Variants in ZNF429 observed in about 807,000 individuals in gnomAD.
ZNF429 encodes the protein zinc finger protein 429.
A neutral mutation model predicts 56.8 loss-of-function variants in ZNF429; 53 were observed. The observed-to-expected ratio is 0.93, with a 90% CI of 0.75 to 1.17. The LOEUF (loss-of-function observed/expected upper bound fraction) is 1.17, where lower values mean the gene tolerates loss of function less well. Ranked by LOEUF, ZNF429 falls within the 50% of genes most tolerant of loss-of-function variation. ZNF429 has a pLI of 0.00. For missense variants in ZNF429, 849 were observed against 788.4 expected (o/e 1.08, Z -0.92); for synonymous variants, 278 against 264.7 (o/e 1.05, Z -0.49).
intron 1 of ZNF429, among the ~76,000 whole-genome samples, chr19:21,517,245 G>A (rs1447432406): frequency 6.6e-6 from 1 of 152,212 alleles, no homozygotes; most frequent in East Asian, 1.9e-4. Context: ...CACATTTATT[G>A]ACTTGTGTAT....
intron 1 of ZNF429, among the ~76,000 whole-genome samples, chr19:21,517,573 T>C (rs934088638): frequency 1.3e-5 from 2 of 152,200 alleles, no homozygotes; most frequent in Non-Finnish European, 2.9e-5. Context: ...TAGGCTTTTT[T>C]TGGCTGGTAG....
intron 1 of ZNF429, among the ~76,000 whole-genome samples, chr19:21,506,443 C>CAAAAAA (rs1229591215): frequency 2.0e-5 from 2 of 99,242 alleles, no homozygotes; most frequent in African/African-American, 7.3e-5. Context: ...CTATCTCAAA[C>CAAAAAA]AAAAAAAAAA....
intron 2 of ZNF429, among the ~76,000 whole-genome samples, chr19:21,530,188 C>A: frequency 1.4e-5 from 2 of 138,056 alleles, no homozygotes; most frequent in Non-Finnish European, 3.1e-5. Flanking sequence ...GAGACTCCAT[C>A]TCAAAAAAAA....
rs979337754 is a variant in ZNF429, at chr19:21,538,948, T to C, written c.*870T>C. 6.6e-6 allele frequency among the ~76,000 whole-genome samples: 1 copy of C among 152,184 alleles called. No homozygotes were observed. Among genetic ancestry groups the C allele is most frequent in the African/African-American group, 2.4e-5 (1 of 41,456 alleles). On this transcript the variant is annotated 3_prime_UTR_variant, in exon 4 of 4. Transcript: ENST00000358491. ...CATTTACTTGTATCACAGATCTTGT[T>C]GTACACATTTTATACTAGAGGAAAA...
chr19:21,527,754 A>G (rs2033221527), intron 1 of ZNF429, among the ~76,000 whole-genome samples: 1 of 152,150 alleles, frequency 6.6e-6, no homozygotes. Flanking sequence ...GGCAGCAGGT[A>G]AACAGGTTCT....
intron 1 of ZNF429, among the ~76,000 whole-genome samples, chr19:21,508,760 C>G (rs2032310660): frequency 6.7e-6 from 1 of 149,444 alleles, no homozygotes; most frequent in Non-Finnish European, 1.5e-5. Flanking sequence ...TTTTGGAATG[C>G]TACCAAGGAA....
chr19:21,538,763 C>G lies in ZNF429; in HGVS notation c.*685C>G, dbSNP rs1212243550. The G allele has an allele frequency of 2.6e-5, 4 of 152,052 alleles. No homozygotes were observed. Among genetic ancestry groups the G allele is most frequent in the Admixed American group, 2.6e-4 (4 of 15,264 alleles). The allele number at this position is 152,052 out of a possible 1,614,324, so 9.4% of individuals were successfully genotyped here. A position where few individuals can be genotyped will look rare whatever the true frequency, so the allele number is the denominator to read the frequency against. ...TACAAATTTAAAAAATGTGGAAAAG[C>G]CATTAAAATCTGTTCACATCTTAAC... On this transcript the variant is annotated 3_prime_UTR_variant, in exon 4 of 4. Transcript: ENST00000358491.
At chr19:21,510,144 G>C (rs1229381275) in intron 1 of ZNF429, among the ~76,000 whole-genome samples, 1 of 152,050 alleles carries the variant, frequency 6.6e-6, no homozygotes, top group Non-Finnish European at 1.5e-5. Flanking sequence ...CCTTACCTCA[G>C]GTGATGACAA....
At chr19:21,532,182 T>G in intron 3 of ZNF429, among the ~76,000 whole-genome samples, 1 of 152,106 alleles carries the variant, frequency 6.6e-6, no homozygotes, top group Non-Finnish European at 1.5e-5. Flanking sequence ...AATAAATATT[T>G]TTGAAGTGCC....
chr19:21,537,813 A>G lies in ZNF429; in HGVS notation c.1760A>G (p.His587Arg), dbSNP rs574930448. The G allele has an allele frequency of 5.0e-6, 8 of 1,613,796 alleles. No homozygotes were observed. In the African/African-American group the frequency reaches 6.7e-5, roughly 13 times the overall value. The change falls in exon 4 of 4, where the codon CAT becomes CGT. Residue 587 changes from histidine to arginine, a missense_variant. Coordinates refer to ENST00000358491, the MANE Select transcript of ZNF429 (RefSeq NM_001001415.4). ...AACCTTAGTAGTCATAAGAAAATTC[A>G]TAGTGGAGAGAAACCCTACAAATGT... is the stretch of plus-strand genomic sequence containing the variant. ...SSNLSSHKKIHSGEKPYKCEE... is the reference protein window; with the variant it reads ...SSNLSSHKKIRSGEKPYKCEE...
intron 1 of ZNF429, 63 bp from the exon 2 acceptor site, chr19:21,529,595 G>T: frequency 1.5e-6 from 2 of 1,352,130 alleles, no homozygotes; most frequent in South Asian, 2.0e-5. Context: ...TCTACCCATG[G>T]GCACTTGGTC....
intron 1 of ZNF429, among the ~76,000 whole-genome samples, chr19:21,520,230 A>G (rs892570313): frequency 6.6e-6 from 1 of 152,188 alleles, no homozygotes; most frequent in Non-Finnish European, 1.5e-5. Flanking sequence ...TTTCAAGTGT[A>G]CACAGGGTGC....
At position 21,537,380 on chromosome 19, in the gene ZNF429, C is replaced by T; in HGVS notation, c.1327C>T (p.His443Tyr). The T allele has an allele frequency of 6.2e-7, 1 of 1,613,662 alleles. No individual in the cohort carries two copies. The highest frequency in any genetic ancestry group is 8.5e-7 in the Non-Finnish European group (1 of 1,179,822). ...TACCTATTCCTCTACACTTACTAGA[C>T]ATAAGAGAATTCATACTGAAGAGAA... is the stretch of plus-strand genomic sequence containing the variant. The part of the protein sequence containing the change: ...VFTYSSTLTR[H>Y]KRIHTEEKPY... Residue 443 changes from histidine to tyrosine, a missense_variant, in exon 4 of 4, where the codon CAT becomes TAT. Transcript: ENST00000358491.
intron 1 of ZNF429, among the ~76,000 whole-genome samples, chr19:21,517,822 C>G (rs568909105): frequency 7.3e-6 from 1 of 137,550 alleles, no homozygotes; most frequent in African/African-American, 2.8e-5. Context: ...GATATGGAGT[C>G]TTGCTCTGTC....
rs1463219034 is a variant in ZNF429, at chr19:21,539,099, A to G, written c.*1021A>G. 6.8e-6 allele frequency among the ~76,000 whole-genome samples: 1 copy of G among 147,512 alleles called. No individual in the cohort carries two copies. Among genetic ancestry groups the G allele is most frequent in the South Asian group, 2.1e-4 (1 of 4,688 alleles). ...AACTATACCTCAGGAAACAATGGAG[A>G]GTTTATATTAACATATATTTTTGCA... On this transcript the variant is annotated 3_prime_UTR_variant, in exon 4 of 4. Coordinates refer to ENST00000358491, the MANE Select transcript of ZNF429 (RefSeq NM_001001415.4).
rs947233491 is a variant in ZNF429, at chr19:21,536,701, TACTA to T, written c.651_654del (p.Asn218IlefsTer87). ...ATGCCTTTAATCAGTCCTCAGCCCT[TACTA>T]ACCATAAGAGAATTTATGTTGGTGA... On this transcript the variant is annotated frameshift_variant, in exon 4 of 4. Transcript: ENST00000358491. LOFTEE classifies it high-confidence loss of function. 6.2e-7 allele frequency: 1 copy of T among 1,613,898 alleles called. No homozygotes were observed. Among genetic ancestry groups the T allele is most frequent in the Non-Finnish European group, 8.5e-7 (1 of 1,180,008 alleles).
intron 3 of ZNF429, among the ~76,000 whole-genome samples, chr19:21,534,687 T>G: frequency 6.6e-6 from 1 of 152,096 alleles, no homozygotes; most frequent in Admixed American, 6.5e-5. Context: ...CTAAATTTAG[T>G]AAGACTTGAT....
At chr19:21,524,280 A>G (rs1356121967) in intron 1 of ZNF429, among the ~76,000 whole-genome samples, 2 of 152,244 alleles carry the variant, frequency 1.3e-5, no homozygotes, top group Admixed American at 6.5e-5. Flanking sequence ...CTATAATCCC[A>G]GGACTTTGGG....
Position 21,509,535 on chromosome 19 carries a change from C to T in ZNF429, c.3+3761C>T, listed in dbSNP as rs144523355. On this transcript the variant is annotated intron_variant, in intron 1 of 3. Coordinates refer to ENST00000358491, the MANE Select transcript of ZNF429 (RefSeq NM_001001415.4). Reference sequence around the variant, plus strand: ...CTCCAAGCTAAGGCTAATATTGAGCCTGCAAAAGAAGGTTATTTAAGATCC... The same window carrying T: ...CTCCAAGCTAAGGCTAATATTGAGCTTGCAAAAGAAGGTTATTTAAGATCC... Among the ~76,000 whole-genome samples the T allele has an allele frequency of 7.8e-4, 119 of 152,276 alleles. No homozygotes were observed. In the East Asian group the frequency reaches 0.019, roughly 24 times the overall value.
Sources: gnomAD v4.1 joint callset for allele counts (sites outside exome capture counted in the v4.1 genomes callset) on GRCh38, gnomAD v4.1.1 for gene constraint, MANE v1.5 for transcripts, NCBI Gene and HGNC (gene_info 2026-07-23, HGNC 2026-07-21) for gene names.